The following ZFAND1 variants were observed in gnomAD, a reference collection of about 807,000 sequenced individuals.
ZFAND1 encodes the protein AN1-type zinc finger protein 1.
Under a neutral mutation model 38.5 loss-of-function variants are expected in ZFAND1, and 40 were observed. That is an observed-to-expected ratio of 1.04 (90% confidence interval 0.81 to 1.35). The LOEUF is 1.35. Among genes scored for constraint, ZFAND1 ranks in the 40% most tolerant of loss-of-function variants. The probability of loss-of-function intolerance (pLI) is 0.00; values close to 1 mark genes in which losing one functional copy is unlikely to be tolerated. For synonymous variants in ZFAND1, 117 were observed against 103.6 expected (o/e 1.13, Z -0.78); for missense variants, 346 against 316.3 (o/e 1.09, Z -0.71).
chr8:81,717,566 C>T (rs1482994147), intron 2 of ZFAND1, among the ~76,000 whole-genome samples: 3 of 152,046 alleles, frequency 2.0e-5, no homozygotes, highest in Non-Finnish European at 4.4e-5. Flanking sequence ...TCTTTCAGCT[C>T]TTTTTATTTC....
chr8:81,714,732 T>C (rs1179241901), intron 5 of ZFAND1, 72 bp downstream of exon 5: 1 of 1,336,642 alleles, frequency 7.5e-7, no homozygotes, highest in Non-Finnish European at 1.1e-6. Context: ...CCTCCCATAA[T>C]TGGAAAGTAG....
chr8:81,715,972 T>C (rs1267744453), intron 3 of ZFAND1, among the ~76,000 whole-genome samples: 1 of 152,234 alleles, frequency 6.6e-6, no homozygotes, highest in African/African-American at 2.4e-5. Context: ...AGTTTTATTG[T>C]ATGACTGAAT....
intron 2 of ZFAND1, 134 bp downstream of exon 2, chr8:81,718,048 T>A (rs1025407398): frequency 3.1e-6 from 2 of 644,806 alleles, no homozygotes; most frequent in South Asian, 7.0e-5. Context: ...GTAATCAGAG[T>A]CTATAACTAT....
At position 81,702,576 on chromosome 8, in the gene ZFAND1, G is replaced by A; in HGVS notation, c.*119C>T. On this transcript the variant is annotated 3_prime_UTR_variant, in exon 8 of 8. Coordinates refer to ENST00000220669, the MANE Select transcript of ZFAND1 (RefSeq NM_024699.3). Reference sequence around the variant, plus strand: ...CTCATAATTTAAAATGTGACATAAGGGGAAATAAGTTAAAAAGCAACTTTT... The same window carrying A: ...CTCATAATTTAAAATGTGACATAAGAGGAAATAAGTTAAAAAGCAACTTTT... 2.4e-6 allele frequency: 2 copies of A among 839,074 alleles called. No individual in the cohort carries two copies. The highest frequency in any genetic ancestry group is 1.7e-6 in the Non-Finnish European group (1 of 601,482). The allele number at this position is 839,074 out of a possible 1,614,324, so 52.0% of individuals were successfully genotyped here.
chr8:81,705,292 A>C (rs1254397376), intron 6 of ZFAND1, among the ~76,000 whole-genome samples: 1 of 152,194 alleles, frequency 6.6e-6, no homozygotes, highest in Non-Finnish European at 1.5e-5. Context: ...AACATTTTAA[A>C]TGCATTAACT....
intron 3 of ZFAND1, 121 bp downstream of exon 3, chr8:81,717,128 A>C (rs923301647): frequency 1.5e-5 from 11 of 712,604 alleles, no homozygotes; most frequent in Non-Finnish European, 2.5e-5. Flanking sequence ...CTCTTTACCT[A>C]ATCAGTTTAG....
At chr8:81,707,611 T>C (rs996478012) in intron 6 of ZFAND1, among the ~76,000 whole-genome samples, 4 of 152,128 alleles carry the variant, frequency 2.6e-5, no homozygotes, top group African/African-American at 9.7e-5. Flanking sequence ...GATTAACAAA[T>C]GCTAATAAAA....
chr8:81,705,842 G>A (rs1055336932), intron 6 of ZFAND1, among the ~76,000 whole-genome samples: 10 of 152,130 alleles, frequency 6.6e-5, no homozygotes, highest in Admixed American at 1.3e-4. Flanking sequence ...TGTTTGAACC[G>A]GGGAAGTAGA....
intron 2 of ZFAND1, 124 bp downstream of exon 2, chr8:81,718,058 T>C: frequency 1.3e-6 from 1 of 745,806 alleles, no homozygotes; most frequent in Non-Finnish European, 2.1e-6. Context: ...TCTATAACTA[T>C]ACTGAATATC....
In ZFAND1 at chr8:81,702,429, A is replaced by C. The variant is rs1363811071; in HGVS notation, c.*266T>G. On this transcript the variant is annotated 3_prime_UTR_variant, in exon 8 of 8. Transcript: ENST00000220669. Reference sequence around the variant, plus strand: ...CAACAGCTGACATCCCCCACCAGGAAATACATCTTTGTTGTTGTCACTACA... The same window carrying C: ...CAACAGCTGACATCCCCCACCAGGACATACATCTTTGTTGTTGTCACTACA... The C allele has an allele frequency of 4.9e-6, 1 of 202,208 alleles. No individual in the cohort carries two copies. Among genetic ancestry groups the C allele is most frequent in the Non-Finnish European group, 9.8e-6 (1 of 102,236 alleles). The allele number at this position is 202,208 out of a possible 1,614,324, so 12.5% of individuals were successfully genotyped here. A position where few individuals can be genotyped will look rare whatever the true frequency, so the allele number is the denominator to read the frequency against.
chr8:81,704,073 A>G (rs895861865), intron 6 of ZFAND1, among the ~76,000 whole-genome samples: 1 of 150,874 alleles, frequency 6.6e-6, no homozygotes, highest in East Asian at 1.9e-4. Flanking sequence ...GTATTTAGAC[A>G]GAAGGACTTT....
chr8:81,703,494 G>T lies in ZFAND1; in HGVS notation c.481-370C>A, dbSNP rs149362710. ...GCTAGAGTGCAATGGCACGTTCTTGGCTCACTGCAACCTCCGCCTCCAGGG... is the reference window on the plus strand; with the variant it reads ...GCTAGAGTGCAATGGCACGTTCTTGTCTCACTGCAACCTCCGCCTCCAGGG... On this transcript the variant is annotated intron_variant, in intron 6 of 7. Transcript: ENST00000220669. 0.012 allele frequency among the ~76,000 whole-genome samples: 1,761 copies of T among 152,296 alleles called. 133 individuals carry two copies. The East Asian group carries it at 0.2, about 17-fold the overall frequency.
chr8:81,703,114 A>C lies in ZFAND1; in HGVS notation c.491T>G (p.Ile164Ser). ...GDKSLPQTER[I>S]YFQVFLPKGS... The stretch of plus-strand genomic sequence containing the variant: ...TTTAGGTAAGAAAACCTGAAAGTAA[A>C]TTCTTTCTGTCTGTAAAAAGAAAAA... The change falls in exon 7 of 8, where the codon ATT becomes AGT. Residue 164 changes from isoleucine (I) to serine (S), a missense_variant. By Grantham distance (142) the Ile-to-Ser change is moderately radical. Coordinates refer to ENST00000220669, the MANE Select transcript of ZFAND1 (RefSeq NM_024699.3). The C allele has an allele frequency of 6.0e-6, 9 of 1,500,632 alleles. No homozygotes were observed. The highest frequency in any genetic ancestry group is 8.0e-6 in the Non-Finnish European group (9 of 1,119,860). The allele number at this position is 1,500,632 out of a possible 1,614,324, so 93.0% of individuals were successfully genotyped here.
At position 81,714,845 on chromosome 8, in the gene ZFAND1, G is replaced by A. The variant is rs774371842; in HGVS notation, c.317C>T (p.Pro106Leu). ...AAGTTTCTGAGTGGCAGCCATTCGA[G>A]GCTTTGGGATTTCCAGTTTTTCACA... ...HECEKLEIPK[P>L]RMAATQKLVK... The change falls in exon 5 of 8, where the codon CCT becomes CTT. Residue 106 changes from proline (P) to leucine (L), a missense_variant. Physicochemically the swap from Pro to Leu is moderately conservative, Grantham distance 98 (BLOSUM62 -3). Coordinates refer to ENST00000220669, the MANE Select transcript of ZFAND1 (RefSeq NM_024699.3). The A allele has an allele frequency of 6.2e-6, 10 of 1,613,978 alleles. No homozygotes were observed. Among genetic ancestry groups the A allele is most frequent in the Non-Finnish European group, 7.6e-6 (9 of 1,179,952 alleles).
intron 6 of ZFAND1, among the ~76,000 whole-genome samples, chr8:81,712,938 C>CT (rs1259348878): frequency 6.6e-6 from 1 of 152,098 alleles, no homozygotes; most frequent in Non-Finnish European, 1.5e-5. Flanking sequence ...AGTACAATCA[C>CT]TGACAACAGG....
At chr8:81,706,947 T>A (rs1194449334) in intron 6 of ZFAND1, among the ~76,000 whole-genome samples, 2 of 152,012 alleles carry the variant, frequency 1.3e-5, no homozygotes, top group South Asian at 4.1e-4. Context: ...AAGAAAAATA[T>A]GAAATGTTAC....
intron 1 of ZFAND1, chr8:81,721,010 C>T (rs906940030): frequency 1.5e-5 from 8 of 548,662 alleles, no homozygotes; most frequent in Non-Finnish European, 2.3e-5. Flanking sequence ...TGCATGGCTT[C>T]CTTCCAAGGA....
At chr8:81,718,572 G>A (rs1046834772) in intron 1 of ZFAND1, among the ~76,000 whole-genome samples, 4 of 151,446 alleles carry the variant, frequency 2.6e-5, no homozygotes, top group Non-Finnish European at 5.9e-5. Flanking sequence ...AAAAACCTGG[G>A]ATTCAATTCT....
chr8:81,717,256 C>A lies in ZFAND1; in HGVS notation c.131G>T (p.Cys44Phe). ...GGAAAAATACTAACATACCTCAGGA[C>A]AACCATGAGACTCCCTGCTTCTGTG... is the stretch of plus-strand genomic sequence containing the variant. ...LEHRSRESHG[C>F]PEVTVINERL... Residue 44 changes from cysteine to phenylalanine, a missense_variant, in exon 3 of 8, where the codon TGT becomes TTT. By Grantham distance (205) the Cys-to-Phe change is radical. Coordinates refer to ENST00000220669, the MANE Select transcript of ZFAND1 (RefSeq NM_024699.3). The A allele has an allele frequency of 6.5e-7, 1 of 1,545,572 alleles. No homozygotes were observed. The highest frequency in any genetic ancestry group is 1.3e-5 in the South Asian group (1 of 77,870).
Sources: allele counts gnomAD v4.1 joint callset (sites outside exome capture counted in the v4.1 genomes callset), GRCh38; gene constraint gnomAD v4.1.1; transcripts MANE v1.5; gene names NCBI Gene and HGNC (gene_info 2026-07-23, HGNC 2026-07-21).